Variants in ZFHX3 observed in about 807,000 individuals in gnomAD.
ZFHX3 encodes the protein zinc finger homeobox protein 3.
Under a neutral mutation model 279.1 loss-of-function variants are expected in ZFHX3, and 42 were observed. The ratio of observed to expected loss-of-function variants is 0.15; its 90% CI spans 0.12 to 0.19. The LOEUF (loss-of-function observed/expected upper bound fraction) is 0.19, where lower values mean the gene tolerates loss of function less well. Among genes scored for constraint, ZFHX3 ranks in the 10% least tolerant of loss-of-function variants. The pLI, the probability that ZFHX3 is intolerant of heterozygous loss-of-function variation, is 1.00. For synonymous variants in ZFHX3, 2,293 were observed against 1,957.8 expected (o/e 1.17, Z -4.52); for missense variants, 4,981 against 4,754.0 (o/e 1.05, Z -1.40).
rs904420085 is a variant in ZFHX3, at chr16:73,162,106, C to A, written c.-1103-18275G>T. Among the ~76,000 whole-genome samples the A allele has an allele frequency of 1.8e-4, 27 of 152,342 alleles. 1 individual carries two copies. Among genetic ancestry groups the A allele is most frequent in the Admixed American group, 1.7e-3 (26 of 15,310 alleles). On this transcript the variant is annotated intron_variant, in intron 5 of 17. Coordinates refer to the ZFHX3 transcript ENST00000641206. ...GAGCAGGGGTCCCCAGCCCCTGGGG[C>A]ACAGACCAGTATCAATTCATGGCCT... is the stretch of plus-strand genomic sequence containing the variant.
rs116279257 is a variant in ZFHX3 at position 73,885,867 on chromosome 16, G to A, written c.-1608+5784C>T. On this transcript the variant is annotated intron_variant, in intron 1 of 17. Transcript: ENST00000641206. ...CACTCCCAGACCCTGATGCACCCAC[G>A]CCCATCAAAAAGCAGTAAGTACCCC... Among the ~76,000 whole-genome samples the A allele has an allele frequency of 3.6e-3, 540 of 152,070 alleles. 2 individuals carry two copies. Among genetic ancestry groups the A allele is most frequent in the African/African-American group, 0.012 (518 of 41,486 alleles).
At chr16:73,594,075 A>T (rs908669886) in intron 2 of ZFHX3, among the ~76,000 whole-genome samples, 2 of 152,196 alleles carry the variant, frequency 1.3e-5, no homozygotes, top group Non-Finnish European at 2.9e-5. Context: ...AATGATTGAG[A>T]GGCTGAAACA....
At chr16:72,998,503 G>A (rs540755891) in intron 1 of ZFHX3, among the ~76,000 whole-genome samples, 1 of 152,254 alleles carries the variant, frequency 6.6e-6, no homozygotes, top group East Asian at 1.9e-4. Context: ...AAACGTAATC[G>A]ATCTAGGTTT....
intron 2 of ZFHX3, among the ~76,000 whole-genome samples, chr16:73,475,222 C>T (rs913481717): frequency 2.8e-4 from 42 of 152,168 alleles, no homozygotes; most frequent in African/African-American, 8.9e-4. Flanking sequence ...AAAATATTAG[C>T]GTATTCACCA....
exon 1 of ZFHX3, chr16:73,058,873 C>T: frequency 6.3e-6 from 1 of 158,692 alleles, no homozygotes; most frequent in South Asian, 1.7e-4. Flanking sequence ...AGAGAAGCGG[C>T]GGCGGCGGCG....
At position 73,406,736 on chromosome 16, in the gene ZFHX3, G is replaced by A. The variant is rs77431683; in HGVS notation, c.-1291+49267C>T. On this transcript the variant is annotated intron_variant, in intron 3 of 17. Coordinates refer to the ZFHX3 transcript ENST00000641206. ...TGTTACTACAATTTTAGGGCCGAAG[G>A]ATGGTCTATTTCAGGTCAATGATCT... Among the ~76,000 whole-genome samples, 24 of 152,310 alleles carry A rather than the reference G, an allele frequency of 1.6e-4. No homozygotes were observed. In the East Asian group the frequency reaches 3.9e-3, roughly 24 times the overall value.
In ZFHX3 at chr16:72,788,496, C is replaced by A; in HGVS notation, c.9780G>T (p.Glu3260Asp). 6.2e-7 allele frequency: 1 copy of A among 1,614,222 alleles called. No individual in the cohort carries two copies. Among genetic ancestry groups the A allele is most frequent in the Non-Finnish European group, 8.5e-7 (1 of 1,180,032 alleles). ...KGEPLPVPKK[E>D]KGEAPTATAA... is the part of the protein sequence containing the mutation. ...CAGTTGCCGTGGGGGCCTCTCCTTTCTCCTTCTTGGGGACAGGCAGGGGTT... is the reference window on the plus strand; with the variant it reads ...CAGTTGCCGTGGGGGCCTCTCCTTTATCCTTCTTGGGGACAGGCAGGGGTT... The change falls in exon 10 of 10, where the codon GAG becomes GAT. Residue 3260 changes from glutamate to aspartate, a missense_variant. By Grantham distance (45) the Glu-to-Asp change is conservative (BLOSUM62 2). Transcript: ENST00000268489.
intron 1 of ZFHX3, among the ~76,000 whole-genome samples, chr16:73,711,051 ATT>A (rs1444793942): frequency 1.1e-4 from 16 of 152,358 alleles, no homozygotes; most frequent in African/African-American, 3.6e-4. Flanking sequence ...TGTGAAAGGA[ATT>A]TCTTTCATGC....
intron 2 of ZFHX3, among the ~76,000 whole-genome samples, chr16:73,656,046 G>T (rs1260036985): frequency 6.6e-6 from 1 of 152,316 alleles, no homozygotes; most frequent in South Asian, 2.1e-4. Flanking sequence ...TGATGAAAAT[G>T]AACAAACTAT....
chr16:73,123,321 T>C (rs1966523219), intron 7 of ZFHX3: 1 of 148,096 alleles, frequency 6.8e-6, no homozygotes, highest in Admixed American at 6.9e-5. Context: ...GGACACCTAA[T>C]GCAAGCAGAA....
intron 2 of ZFHX3, among the ~76,000 whole-genome samples, chr16:73,489,532 C>T (rs1182478121): frequency 1.3e-5 from 2 of 152,188 alleles, no homozygotes; most frequent in Non-Finnish European, 2.9e-5. Flanking sequence ...ACTCTTATTA[C>T]CTGATGCATT....
chr16:73,815,224 A>C (rs1388796673), intron 1 of ZFHX3, among the ~76,000 whole-genome samples: 3 of 152,206 alleles, frequency 2.0e-5, no homozygotes, highest in Admixed American at 6.5e-5. Flanking sequence ...TCTGCAGTGA[A>C]ACAAATCACC....
At chr16:73,255,787 C>A (rs1156668694) in intron 5 of ZFHX3, among the ~76,000 whole-genome samples, 1 of 152,164 alleles carries the variant, frequency 6.6e-6, no homozygotes, top group African/African-American at 2.4e-5. Context: ...GCCTGAAATG[C>A]CACATAATCC....
chr16:73,305,572 C>T (rs567367865), intron 4 of ZFHX3, among the ~76,000 whole-genome samples: 23 of 151,658 alleles, frequency 1.5e-4, no homozygotes, highest in South Asian at 1.3e-3. Context: ...CAGAAGCGAG[C>T]GCTCACATGG....
chr16:73,278,631 C>A (rs1482648252), intron 4 of ZFHX3, among the ~76,000 whole-genome samples: 1 of 152,222 alleles, frequency 6.6e-6, no homozygotes, highest in Non-Finnish European at 1.5e-5. Flanking sequence ...CTGTCCCCAC[C>A]CACGTTCCGT....
chr16:73,848,903 G>A (rs547124610), intron 1 of ZFHX3, among the ~76,000 whole-genome samples: 1 of 152,182 alleles, frequency 6.6e-6, no homozygotes, highest in Non-Finnish European at 1.5e-5. Context: ...GTGCCATCCA[G>A]CATGCAACTA....
At chr16:73,572,094 A>G (rs910170359) in intron 2 of ZFHX3, among the ~76,000 whole-genome samples, 1 of 152,074 alleles carries the variant, frequency 6.6e-6, no homozygotes, top group East Asian at 1.9e-4. Flanking sequence ...ATTTGAGGAG[A>G]ATAATTCCCT....
intron 2 of ZFHX3, among the ~76,000 whole-genome samples, chr16:73,502,576 G>A (rs2019257301): frequency 6.6e-6 from 1 of 152,170 alleles, no homozygotes; most frequent in African/African-American, 2.4e-5. Flanking sequence ...GATCTACCCA[G>A]GGATTCCAAA....
intron 4 of ZFHX3, among the ~76,000 whole-genome samples, chr16:73,279,772 C>A (rs1012648530): frequency 6.6e-6 from 1 of 152,166 alleles, no homozygotes; most frequent in Admixed American, 6.5e-5. Context: ...ATTAACCCTG[C>A]TTCTCTCAGA....
Sources: allele counts gnomAD v4.1 joint callset (sites outside exome capture counted in the v4.1 genomes callset), GRCh38; gene constraint gnomAD v4.1.1; transcripts MANE v1.5; gene names NCBI Gene and HGNC (gene_info 2026-07-23, HGNC 2026-07-21).